The following TAFA1 variants were observed in gnomAD, a reference collection of about 807,000 sequenced individuals.
TAFA1 encodes the protein chemokine-like protein TAFA-1.
Under a neutral mutation model 18.5 loss-of-function variants are expected in TAFA1, and 4 were observed. The ratio of observed to expected loss-of-function variants is 0.22; its 90% confidence interval spans 0.11 to 0.49. The LOEUF is 0.49. Among genes scored for constraint, TAFA1 ranks in the 20% least tolerant of loss-of-function variants. The pLI is 0.98. For missense variants in TAFA1, 147 were observed against 169.0 expected (o/e 0.87, Z 0.72); for synonymous variants, 56 against 55.2 (o/e 1.01, Z -0.06).
At chr3:68,047,931 A>G (rs892418588) in intron 2 of TAFA1, among the ~76,000 whole-genome samples, 3 of 152,138 alleles carry the variant, frequency 2.0e-5, no homozygotes, top group Non-Finnish European at 4.4e-5. Context: ...ATGCGAATGG[A>G]TGAAGTTGGC....
intron 2 of TAFA1, among the ~76,000 whole-genome samples, chr3:68,068,773 G>A (rs191723455): frequency 6.6e-6 from 1 of 152,166 alleles, no homozygotes; most frequent in Non-Finnish European, 1.5e-5. Flanking sequence ...ATTAGATCTT[G>A]TTTAGTCTTG....
Position 68,538,881 on chromosome 3 carries a change from G to A in TAFA1, c.384+1G>A, listed in dbSNP as rs775827076. The A allele has an allele frequency of 6.2e-7, 1 of 1,613,292 alleles. No individual in the cohort carries two copies. The highest frequency in any genetic ancestry group is 8.5e-7 in the Non-Finnish European group (1 of 1,179,494). On this transcript the variant is annotated splice_donor_variant, in intron 4 of 4. Coordinates refer to ENST00000478136, the MANE Select transcript of TAFA1 (RefSeq NM_213609.4). LOFTEE classifies it high-confidence loss of function. ...AGGCAACAAAATTAAGACCACGAGA[G>A]TAAGTGCACTTATTTCAAATGTATT...
chr3:68,296,851 A>G (rs1388498), intron 2 of TAFA1, among the ~76,000 whole-genome samples: 4,018 of 152,290 alleles, frequency 0.026, 90 homozygotes, highest in East Asian at 0.096. Context: ...CAAATAACCT[A>G]ATGGAAAAAT....
chr3:68,123,548 C>CT (rs1171094184), intron 2 of TAFA1, among the ~76,000 whole-genome samples: 1 of 152,100 alleles, frequency 6.6e-6, no homozygotes, highest in Non-Finnish European at 1.5e-5. Context: ...TCTGGTAAGA[C>CT]TTTTTCACTT....
intron 3 of TAFA1, among the ~76,000 whole-genome samples, chr3:68,492,656 T>A (rs1350253560): frequency 6.6e-6 from 1 of 152,190 alleles, no homozygotes; most frequent in Admixed American, 6.5e-5. Flanking sequence ...GATAGTTTGC[T>A]TGCAGTGTTT....
chr3:68,515,418 T>C (rs2072906615), intron 3 of TAFA1, among the ~76,000 whole-genome samples: 1 of 152,162 alleles, frequency 6.6e-6, no homozygotes, highest in South Asian at 2.1e-4. Flanking sequence ...GATGATCTGA[T>C]TGGACCAGCC....
intron 2 of TAFA1, among the ~76,000 whole-genome samples, chr3:68,242,838 G>C (rs921556996): frequency 6.6e-5 from 10 of 151,900 alleles, no homozygotes; most frequent in African/African-American, 2.4e-4. Flanking sequence ...GTGTGCATTG[G>C]AAAAAGTGTG....
chr3:68,115,500 T>C (rs1282849322), intron 2 of TAFA1, among the ~76,000 whole-genome samples: 1 of 152,180 alleles, frequency 6.6e-6, no homozygotes, highest in Non-Finnish European at 1.5e-5. Flanking sequence ...ACAGACCAAA[T>C]AATGAGCCCT....
chr3:68,379,956 C>A (rs2069901725), intron 2 of TAFA1, among the ~76,000 whole-genome samples: 1 of 151,858 alleles, frequency 6.6e-6, no homozygotes, highest in Non-Finnish European at 1.5e-5. Flanking sequence ...GTGATGTTCC[C>A]CTTCCTGTGT....
intron 2 of TAFA1, among the ~76,000 whole-genome samples, chr3:68,325,900 T>C (rs1281649910): frequency 2.0e-5 from 3 of 152,202 alleles, no homozygotes; most frequent in Non-Finnish European, 4.4e-5. Flanking sequence ...ATCTTGCTAG[T>C]GATAAATCTG....
At chr3:68,503,366 A>T (rs564311122) in intron 3 of TAFA1, among the ~76,000 whole-genome samples, 1 of 152,272 alleles carries the variant, frequency 6.6e-6, no homozygotes, top group African/African-American at 2.4e-5. Context: ...CAAATAAGGG[A>T]TACTTAGCCT....
intron 2 of TAFA1, among the ~76,000 whole-genome samples, chr3:68,120,173 CTTTCTTTCTTTCTTTCTTT>C (rs1559527499): frequency 9.1e-4 from 15 of 16,438 alleles, no homozygotes; most frequent in Middle Eastern, 0.025. Flanking sequence ...CTTTCTTTCT[CTTTCTTTCTTTCTTTCTTT>C]CTTTCTTTCT....
intron 2 of TAFA1, among the ~76,000 whole-genome samples, chr3:68,261,032 G>A (rs2067409164): frequency 6.6e-6 from 1 of 151,908 alleles, no homozygotes; most frequent in Non-Finnish European, 1.5e-5. Flanking sequence ...CTGACAAAGG[G>A]CTAATATCCA....
At chr3:68,062,157 G>C (rs2064612026) in intron 2 of TAFA1, among the ~76,000 whole-genome samples, 1 of 152,054 alleles carries the variant, frequency 6.6e-6, no homozygotes, top group Admixed American at 6.6e-5. Context: ...TGTAGACTAA[G>C]TAGTCTCAAA....
Position 68,405,699 on chromosome 3 carries a change from CAAAAA to C in TAFA1, c.119-11544_119-11540del, listed in dbSNP as rs56258198. Among the ~76,000 whole-genome samples the C allele has an allele frequency of 2.6e-3, 84 of 32,868 alleles. 7 individuals are homozygous for C. The highest frequency in any genetic ancestry group is 8.2e-3 in the Admixed American group (16 of 1,960). 21.6% of individuals were successfully genotyped at this position (32,868 alleles called of 152,430 possible). The stretch of plus-strand genomic sequence containing the variant: ...TAGGCAATGGAGTGAGACTCTATCT[CAAAAA>C]AAAAAAAAAAAAAAAAAAAAAAAAA... On this transcript the variant is annotated intron_variant, in intron 2 of 4. Coordinates refer to ENST00000478136, the MANE Select transcript of TAFA1 (RefSeq NM_213609.4).
intron 2 of TAFA1, among the ~76,000 whole-genome samples, chr3:68,165,301 C>T (rs77959573): frequency 1.2e-4 from 18 of 152,288 alleles, no homozygotes; most frequent in East Asian, 9.6e-4. Flanking sequence ...GCAAAACTGC[C>T]TAATAAGCAA....
chr3:68,304,713 G>A (rs2068373252), intron 2 of TAFA1, among the ~76,000 whole-genome samples: 1 of 152,190 alleles, frequency 6.6e-6, no homozygotes, highest in Admixed American at 6.5e-5. Flanking sequence ...CAAGGTCAGA[G>A]TTTTAAAATG....
chr3:68,038,495 C>G (rs1042784953), intron 2 of TAFA1, among the ~76,000 whole-genome samples: 4 of 152,114 alleles, frequency 2.6e-5, no homozygotes, highest in Non-Finnish European at 5.9e-5. Flanking sequence ...CCTCTCTGCT[C>G]ACAGCTGAAT....
At chr3:68,167,001 G>T (rs1183687039) in intron 2 of TAFA1, among the ~76,000 whole-genome samples, 5 of 152,146 alleles carry the variant, frequency 3.3e-5, no homozygotes, top group Non-Finnish European at 7.4e-5. Context: ...GTTGGTGGAG[G>T]CTTTAAGGTT....
Sources: allele counts gnomAD v4.1 joint callset (sites outside exome capture counted in the v4.1 genomes callset), GRCh38; gene constraint gnomAD v4.1.1; transcripts MANE v1.5; gene names NCBI Gene and HGNC (gene_info 2026-07-23, HGNC 2026-07-21).